NKD1: variants seen among roughly 807,000 people sequenced by gnomAD.
The protein encoded by NKD1 is protein naked cuticle homolog 1.
Under a neutral mutation model 56.0 loss-of-function variants are expected in NKD1, and 21 were observed. The observed-to-expected ratio is 0.38, with a 90% confidence interval of 0.27 to 0.54. The LOEUF (loss-of-function observed/expected upper bound fraction) is 0.54, where lower values mean the gene tolerates loss of function less well. Ranked by LOEUF, NKD1 falls within the 20% of genes least tolerant of loss-of-function variation. The probability of loss-of-function intolerance (pLI) is 0.82; values close to 1 mark genes in which losing one functional copy is unlikely to be tolerated. For missense variants in NKD1, 578 were observed against 642.7 expected, an observed-to-expected ratio of 0.90 and a Z score of 1.09; for synonymous variants, 263 against 265.7, an observed-to-expected ratio of 0.99 and a Z score of 0.10.
intron 4 of NKD1, among the ~76,000 whole-genome samples, chr16:50,619,243 A>G (rs1373288370): frequency 6.6e-6 from 1 of 150,898 alleles, no homozygotes; most frequent in Non-Finnish European, 1.5e-5. Flanking sequence ...AGGATGCTGC[A>G]GGCCGTGATA....
At chr16:50,606,710 T>C in intron 3 of NKD1, 1 of 438,214 alleles carries the variant, frequency 2.3e-6, no homozygotes, top group Non-Finnish European at 4.7e-6. Flanking sequence ...CCGGCTGCAG[T>C]GCAGTCAGGG....
At chr16:50,567,012 C>G (rs927702988) in intron 3 of NKD1, among the ~76,000 whole-genome samples, 2 of 151,366 alleles carry the variant, frequency 1.3e-5, no homozygotes, top group Non-Finnish European at 3.0e-5. Flanking sequence ...ATGGCCCCCC[C>G]CCTTTTTTTT....
At chr16:50,579,161 C>A (rs1961053593) in intron 3 of NKD1, among the ~76,000 whole-genome samples, 1 of 151,702 alleles carries the variant, frequency 6.6e-6, no homozygotes, top group African/African-American at 2.4e-5. Flanking sequence ...GCACTCTAAC[C>A]AGCCACACAT....
chr16:50,574,149 T>G lies in NKD1; in HGVS notation c.192+24594T>G, dbSNP rs182035497. 4.3e-5 allele frequency: 40 copies of G among 934,988 alleles called. No homozygotes were observed. The East Asian group carries it at 4.0e-3, about 93-fold the overall frequency. The allele number at this position is 934,988 out of a possible 1,614,324, so 57.9% of individuals were successfully genotyped here. A position where few individuals can be genotyped will look rare whatever the true frequency, so the allele number is the denominator to read the frequency against. ...GGTATTGGGTGATAGAACTTGATGC[T>G]GGATCCAAATGCAGGACTGCCTATG... On this transcript the variant is annotated intron_variant, in intron 3 of 9. Transcript: ENST00000268459.
chr16:50,563,180 A>G (rs1482812616), intron 3 of NKD1, among the ~76,000 whole-genome samples: 1 of 152,260 alleles, frequency 6.6e-6, no homozygotes, highest in Non-Finnish European at 1.5e-5. Flanking sequence ...TATTTGAATG[A>G]ATTTAAATGT....
At chr16:50,553,251 C>A (rs924947869) in intron 3 of NKD1, among the ~76,000 whole-genome samples, 2 of 152,228 alleles carry the variant, frequency 1.3e-5, no homozygotes, top group African/African-American at 4.8e-5. Flanking sequence ...TGGTGAAGAC[C>A]TGTGTGCCTC....
intron 3 of NKD1, chr16:50,607,227 A>T (rs1961732486): frequency 8.6e-6 from 3 of 350,108 alleles, no homozygotes; most frequent in Admixed American, 3.8e-5. Flanking sequence ...AAACAAAAAA[A>T]AGCAAGAGGC....
intron 3 of NKD1, among the ~76,000 whole-genome samples, chr16:50,595,083 G>A (rs543232474): frequency 1.3e-5 from 2 of 152,204 alleles, no homozygotes; most frequent in Non-Finnish European, 2.9e-5. Context: ...TGGTCTGGGT[G>A]CTCCAGCCCT....
chr16:50,564,567 C>G (rs1198251473), intron 3 of NKD1, among the ~76,000 whole-genome samples: 1 of 152,230 alleles, frequency 6.6e-6, no homozygotes, highest in East Asian at 1.9e-4. Context: ...GTGGCTCACT[C>G]TTGTATCCCT....
intron 3 of NKD1, among the ~76,000 whole-genome samples, chr16:50,567,611 GGACAGGCCACAGGT>G (rs1404309585): frequency 1.3e-5 from 2 of 152,206 alleles, no homozygotes; most frequent in East Asian, 3.8e-4. Context: ...CCTTGGCCAA[GGACAGGCCACAGGT>G]GACAGCTCCC....
intron 6 of NKD1, among the ~76,000 whole-genome samples, chr16:50,628,155 G>A (rs1295308931): frequency 1.3e-5 from 2 of 152,164 alleles, no homozygotes; most frequent in Non-Finnish European, 2.9e-5. Context: ...TTCTGGTCTG[G>A]TCCCGCAAAG....
At chr16:50,559,502 T>G (rs894869882) in intron 3 of NKD1, among the ~76,000 whole-genome samples, 6 of 151,480 alleles carry the variant, frequency 4.0e-5, no homozygotes, top group African/African-American at 1.5e-4. Context: ...GTGTTCAGCC[T>G]CCTTCTCGGT....
intron 2 of NKD1, chr16:50,549,149 G>A (rs1960314238): frequency 6.4e-6 from 1 of 155,500 alleles, no homozygotes; most frequent in Admixed American, 6.6e-5. Context: ...CGCAGTCCTG[G>A]CTGCCAGTGC....
Position 50,632,366 on chromosome 16 carries a change from G to C in NKD1, c.781G>C (p.Asp261His), listed in dbSNP as rs763207349. The change falls in exon 9 of 10, where the codon GAT (aspartate) becomes CAT (histidine). Residue 261 changes from aspartate to histidine, a missense_variant. Physicochemically the swap from Asp to His is moderately conservative, Grantham distance 81 (BLOSUM62 -1). Transcript: ENST00000268459. The surrounding 1 kb of genome is among the most constrained non-coding windows in gnomAD (Gnocchi z 4.1). ...CATCGAGAGGAGAAACCACTACTTA[G>C]ATCTCGCCGGGATAGAAAACTACAC... The part of the protein sequence containing the change: ...ENIERRNHYL[D>H]LAGIENYTSQ... 2 of 1,614,142 alleles carry C rather than the reference G, an allele frequency of 1.2e-6. No homozygotes were observed. The highest frequency in any genetic ancestry group is 1.7e-6 in the Non-Finnish European group (2 of 1,180,014).
intron 6 of NKD1, among the ~76,000 whole-genome samples, chr16:50,627,439 C>T (rs1177573914): frequency 6.6e-6 from 1 of 152,202 alleles, no homozygotes; most frequent in African/African-American, 2.4e-5. Flanking sequence ...CCAGCCCGGC[C>T]CTGGAGAAAG....
In NKD1 at chr16:50,548,460, G is replaced by T. The variant is rs1248205341; in HGVS notation, c.-94G>T. 2 of 1,020,292 alleles carry T rather than the reference G, an allele frequency of 2.0e-6. No homozygotes were observed. Among genetic ancestry groups the T allele is most frequent in the Middle Eastern group, 3.5e-4 (1 of 2,824 alleles). 63.2% of individuals were successfully genotyped at this position (1,020,292 alleles called of 1,614,324 possible). ...GCCGCCTCGGGCTCCGCTCGGCTCG[G>T]GGGCTGCTTCGGGAGGAGGAGAGCC... is the stretch of plus-strand genomic sequence containing the variant. On this transcript the variant is annotated 5_prime_UTR_variant, in exon 1 of 10. Transcript: ENST00000268459.
intron 4 of NKD1, among the ~76,000 whole-genome samples, chr16:50,610,143 C>A (rs1229895796): frequency 6.6e-6 from 1 of 152,126 alleles, no homozygotes; most frequent in Non-Finnish European, 1.5e-5. Context: ...CCAGCCTGGG[C>A]AACATAGTGA....
At chr16:50,602,323 CAGA>C (rs1192683595) in intron 3 of NKD1, among the ~76,000 whole-genome samples, 1 of 152,186 alleles carries the variant, frequency 6.6e-6, no homozygotes, top group Admixed American at 6.5e-5. Flanking sequence ...GCTGGAACCC[CAGA>C]AGGTCTGTGC....
chr16:50,617,361 G>A (rs1961987203), intron 4 of NKD1, among the ~76,000 whole-genome samples: 1 of 152,180 alleles, frequency 6.6e-6, no homozygotes, highest in Non-Finnish European at 1.5e-5. Flanking sequence ...AAAAAAGTCT[G>A]TTCAGGCTTT....
Sources: allele counts gnomAD v4.1 joint callset (sites outside exome capture counted in the v4.1 genomes callset), GRCh38; gene constraint gnomAD v4.1.1; non-coding constraint Gnocchi (gnomAD v3.1); transcripts MANE v1.5; gene names NCBI Gene and HGNC (gene_info 2026-07-23, HGNC 2026-07-21).